Variants in STPG2 observed in about 807,000 individuals in gnomAD.
The protein encoded by STPG2 is sperm tail PG-rich repeat containing 2, also known as sperm-tail PG-rich repeat-containing protein 2.
In STPG2, 56 loss-of-function variants were observed where a neutral mutation model predicts 54.2. The observed-to-expected ratio is 1.03, with a 90% CI of 0.83 to 1.29. STPG2 has a LOEUF of 1.29. STPG2 is among the 50% of genes most tolerant of loss of function. The probability of loss-of-function intolerance (pLI) is 0.00; values close to 1 mark genes in which losing one functional copy is unlikely to be tolerated. For synonymous variants in STPG2, 200 were observed against 181.8 expected, an observed-to-expected ratio of 1.10 and a Z score of -0.81; for missense variants, 596 against 544.9, an observed-to-expected ratio of 1.09 and a Z score of -0.93.
chr4:97,767,327 A>T (rs539474732), intron 9 of STPG2, among the ~76,000 whole-genome samples: 1 of 152,128 alleles, frequency 6.6e-6, no homozygotes, highest in Non-Finnish European at 1.5e-5. Context: ...GGAAGATTTG[A>T]TTTCATTTTG....
chr4:97,502,498 C>T (rs1454875446), intron 4 of STPG2, among the ~76,000 whole-genome samples: 1 of 151,848 alleles, frequency 6.6e-6, no homozygotes, highest in Non-Finnish European at 1.5e-5. Context: ...CTATCATTCA[C>T]AGGAGACAAC....
chr4:97,817,875 A>G (rs571249779), intron 9 of STPG2, among the ~76,000 whole-genome samples: 2 of 151,842 alleles, frequency 1.3e-5, no homozygotes, highest in Admixed American at 6.6e-5. Flanking sequence ...TTCAGATTTG[A>G]AGGTCAGTAG....
intron 10 of STPG2, among the ~76,000 whole-genome samples, chr4:97,574,103 G>A (rs960312551): frequency 8.5e-5 from 13 of 152,078 alleles, no homozygotes; most frequent in Non-Finnish European, 1.5e-4. Flanking sequence ...AGTTTTGAGG[G>A]GACTTTATTC....
At chr4:97,796,658 G>T (rs1307769970) in intron 9 of STPG2, among the ~76,000 whole-genome samples, 2 of 152,074 alleles carry the variant, frequency 1.3e-5, no homozygotes, top group African/African-American at 4.8e-5. Flanking sequence ...TTGTTCTTTT[G>T]GCTTAGGATT....
At chr4:97,697,171 TG>T (rs1159653345) in intron 10 of STPG2, among the ~76,000 whole-genome samples, 2 of 152,186 alleles carry the variant, frequency 1.3e-5, no homozygotes, top group African/African-American at 4.8e-5. Flanking sequence ...TCTGGAAACA[TG>T]GTGGTATAGT....
chr4:97,581,063 A>G (rs1351174767), intron 10 of STPG2, among the ~76,000 whole-genome samples: 1 of 152,080 alleles, frequency 6.6e-6, no homozygotes, highest in Non-Finnish European at 1.5e-5. Context: ...TTTCACTTTT[A>G]CACTCTAGAG....
At chr4:97,475,511 T>A (rs1264932200) in intron 4 of STPG2, among the ~76,000 whole-genome samples, 2 of 150,286 alleles carry the variant, frequency 1.3e-5, no homozygotes, top group African/African-American at 4.9e-5. Flanking sequence ...GTAAAATATG[T>A]ATATAATATA....
intron 8 of STPG2, among the ~76,000 whole-genome samples, chr4:97,854,653 T>G (rs1729274743): frequency 6.6e-6 from 1 of 152,016 alleles, no homozygotes; most frequent in African/African-American, 2.4e-5. Flanking sequence ...AAGGTATCAA[T>G]TCTACCATAT....
chr4:97,552,238 TTTATAAAATATGTATAATAAAGGAACTTA>T (rs1169802140), intron 4 of STPG2, among the ~76,000 whole-genome samples: 2 of 152,116 alleles, frequency 1.3e-5, no homozygotes, highest in Non-Finnish European at 2.9e-5. Flanking sequence ...CAGTTTTTTA[TTTATAAAATATGTATAATAAAGGAACTTA>T]CAACATAAAG....
intron 5 of STPG2, among the ~76,000 whole-genome samples, chr4:98,033,618 C>A (rs1736673543): frequency 6.6e-6 from 1 of 152,140 alleles, no homozygotes; most frequent in Non-Finnish European, 1.5e-5. Context: ...CCAGCATAAT[C>A]CTCATACCAA....
intron 5 of STPG2, among the ~76,000 whole-genome samples, chr4:98,083,586 T>C (rs1461938486): frequency 6.6e-6 from 1 of 152,192 alleles, no homozygotes; most frequent in Non-Finnish European, 1.5e-5. Flanking sequence ...TCTTCAAATA[T>C]ACAATTCTAT....
intron 3 of STPG2, among the ~76,000 whole-genome samples, chr4:98,125,994 G>C (rs1390204046): frequency 2.6e-5 from 4 of 152,182 alleles, no homozygotes; most frequent in Non-Finnish European, 5.9e-5. Context: ...TCCCAGTACA[G>C]ACCAGTCTCT....
rs547791988 is a variant in STPG2 at position 97,539,761 on chromosome 4, C to T, written c.462+172938G>A. On this transcript the variant is annotated intron_variant, in intron 4 of 4. Transcript: ENST00000522676. Reference sequence around the variant, plus strand: ...TCAACAGAATATACATTCTTCTCAGCACCACACCGCACCTATTCTCAGACC... The same window carrying T: ...TCAACAGAATATACATTCTTCTCAGTACCACACCGCACCTATTCTCAGACC... Among the ~76,000 whole-genome samples, 296 of 152,010 alleles carry T rather than the reference C, an allele frequency of 1.9e-3. 1 individual carries two copies. The highest frequency in any genetic ancestry group is 3.2e-3 in the Non-Finnish European group (214 of 67,860).
chr4:97,747,872 G>T (rs896015616), intron 9 of STPG2, among the ~76,000 whole-genome samples: 3 of 151,408 alleles, frequency 2.0e-5, no homozygotes, highest in African/African-American at 7.3e-5. Context: ...GAATATCCAA[G>T]TGGATGACCT....
At chr4:97,537,396 T>C (rs1441846998) in intron 4 of STPG2, among the ~76,000 whole-genome samples, 4 of 152,224 alleles carry the variant, frequency 2.6e-5, no homozygotes, top group Non-Finnish European at 5.9e-5. Flanking sequence ...CATGGGATTA[T>C]ATCCTGTGCA....
intron 9 of STPG2, among the ~76,000 whole-genome samples, chr4:97,790,800 C>T (rs2149080339): frequency 6.6e-6 from 1 of 152,240 alleles, no homozygotes; most frequent in Admixed American, 6.5e-5. Flanking sequence ...CCAGGTTAAT[C>T]GCCCTATTTT....
chr4:97,491,462 A>G (rs977180485), intron 4 of STPG2, among the ~76,000 whole-genome samples: 3 of 151,502 alleles, frequency 2.0e-5, no homozygotes, highest in African/African-American at 7.3e-5. Context: ...AGAAATGCAG[A>G]AGACATAGTA....
At chr4:97,946,949 A>G (rs1357971264) in intron 7 of STPG2, among the ~76,000 whole-genome samples, 1 of 152,122 alleles carries the variant, frequency 6.6e-6, no homozygotes, top group Non-Finnish European at 1.5e-5. Context: ...GTATTTTGAT[A>G]GGAATTGCAT....
At chr4:98,081,736 C>T (rs1738349498) in intron 5 of STPG2, among the ~76,000 whole-genome samples, 3 of 152,174 alleles carry the variant, frequency 2.0e-5, no homozygotes, top group Non-Finnish European at 4.4e-5. Context: ...ATTTTCAATC[C>T]TTGAAAACAT....
Sources: allele counts gnomAD v4.1 joint callset (sites outside exome capture counted in the v4.1 genomes callset), GRCh38; gene constraint gnomAD v4.1.1; transcripts MANE v1.5; gene names NCBI Gene and HGNC (gene_info 2026-07-23, HGNC 2026-07-21).